Variants in ABCA7 observed in about 807,000 individuals in gnomAD.
The protein encoded by ABCA7 is phospholipid-transporting ATPase ABCA7.
In ABCA7, 261 loss-of-function variants were observed where a neutral mutation model predicts 227.6. That is an observed-to-expected ratio of 1.15 (90% confidence interval 1.04 to 1.27). The LOEUF (loss-of-function observed/expected upper bound fraction) is 1.27. Among genes scored for constraint, ABCA7 ranks in the 50% most tolerant of loss-of-function variants. The pLI, the probability that ABCA7 is intolerant of heterozygous loss-of-function variation, is 0.00. For synonymous variants in ABCA7, 1,488 were observed against 1,279.7 expected (o/e 1.16, Z -3.47); for missense variants, 3,331 against 2,924.5 (o/e 1.14, Z -3.21).
chr19:1,042,681 G>T, intron 6 of ABCA7, 65 bp from the exon 7 acceptor site: 1 of 1,517,454 alleles, frequency 6.6e-7, no homozygotes, highest in Non-Finnish European at 9.2e-7. Context: ...CTGGGAACTG[G>T]CCAGAGCGCT....
Position 1,047,258 on chromosome 19 carries a change from C to T in ABCA7, c.1947C>T (p.Phe649=). ...CCCAGAGCTTCCTGCTCAGCGCCTTCTTCTCCCGCGCCAACCTGGCTGCGG... is the reference window on the plus strand; with the variant it reads ...CCCAGAGCTTCCTGCTCAGCGCCTTTTTCTCCCGCGCCAACCTGGCTGCGG... ...TVTQSFLLSA[F]FSRANLAAAC... Residue 649 remains phenylalanine, a synonymous_variant, in exon 15 of 47, where the codon TTC becomes TTT. Transcript: ENST00000263094. 6.2e-7 allele frequency: 1 copy of T among 1,607,430 alleles called. No individual in the cohort carries two copies. Among genetic ancestry groups the T allele is most frequent in the Non-Finnish European group, 8.5e-7 (1 of 1,179,366 alleles).
chr19:1,045,152 G>T lies in ABCA7; in HGVS notation c.1366G>T (p.Asp456Tyr). The T allele has an allele frequency of 4.3e-6, 7 of 1,612,874 alleles. No individual in the cohort carries two copies. The highest frequency in any genetic ancestry group is 5.9e-6 in the Non-Finnish European group (7 of 1,179,974). Residue 456 changes from aspartate to tyrosine, a missense_variant, in exon 12 of 47, where the codon GAC becomes TAC. Transcript: ENST00000263094. ...AGACCCCACAGAGCACCCAACCCCA[G>T]ACCTGGGCCCCGGCCACGTGCGCAT... ...SSDPTEHPTP[D>Y]LGPGHVRIKI...
chr19:1,055,497 C>CTAT, intron 30 of ABCA7, 146 bp downstream of exon 30: 4 of 775,208 alleles, frequency 5.2e-6, no homozygotes, highest in Non-Finnish European at 7.4e-6. Context: ...CCTTCCTTTC[C>CTAT]TCTTTTTTTT....
chr19:1,040,644 G>A (rs1266465744), intron 1 of ABCA7, among the ~76,000 whole-genome samples: 1 of 152,160 alleles, frequency 6.6e-6, no homozygotes, highest in African/African-American at 2.4e-5. Flanking sequence ...AAATAGATCA[G>A]GAATCGCTGA....
chr19:1,062,149 G>C, intron 41 of ABCA7, 23 bp from the exon 42 acceptor site: 2 of 1,609,446 alleles, frequency 1.2e-6, no homozygotes, highest in Non-Finnish European at 1.7e-6. Context: ...AGCTCTCTGA[G>C]CCCCCGGCGC....
chr19:1,064,238 A>T lies in ABCA7; in HGVS notation c.6029A>T (p.Gln2010Leu). ...NGRFRCLGSPQHLKGRFAAGH... is the reference protein window; with the variant it reads ...NGRFRCLGSPLHLKGRFAAGH... ...CGGTTCCGCTGCCTGGGCAGCCCGCAACATCTCAAGGGCAGGTGAGCCGGC... is the reference window on the plus strand; with the variant it reads ...CGGTTCCGCTGCCTGGGCAGCCCGCTACATCTCAAGGGCAGGTGAGCCGGC... Residue 2010 changes from glutamine to leucine, a missense_variant, in exon 45 of 47, where the codon CAA becomes CTA. Coordinates refer to ENST00000263094, the MANE Select transcript of ABCA7 (RefSeq NM_019112.4). 1 of 1,565,422 alleles carries T rather than the reference A, an allele frequency of 6.4e-7. No individual in the cohort carries two copies. Among genetic ancestry groups the T allele is most frequent in the East Asian group, 2.4e-5 (1 of 41,876 alleles).
In ABCA7 at chr19:1,056,337, TCAA is replaced by T; in HGVS notation, c.4431_4433del (p.Asn1477del). 1 of 1,613,114 alleles carries T rather than the reference TCAA, an allele frequency of 6.2e-7. No homozygotes were observed. The highest frequency in any genetic ancestry group is 8.5e-7 in the Non-Finnish European group (1 of 1,179,870). ...ACCTTGACCCCCACCCAGATCTGGT[TCAA>T]CAACAAAGGCTGGCACTCCATGGTG... On this transcript the variant is annotated inframe_deletion, in exon 33 of 47. Coordinates refer to ENST00000263094, the MANE Select transcript of ABCA7 (RefSeq NM_019112.4). This position sits in a 1 kb window ranked among gnomAD's most constrained non-coding sequence, Gnocchi z 4.3.
intron 45 of ABCA7, 186 bp from the exon 46 acceptor site, chr19:1,064,742 ATGG>A (rs2042928579): frequency 1.1e-6 from 1 of 909,168 alleles, no homozygotes; most frequent in East Asian, 3.2e-5. Context: ...TTAGCTGGAC[ATGG>A]TGGTGTGTGC....
chr19:1,064,320 G>C, intron 45 of ABCA7, 67 bp downstream of exon 45: 1 of 1,455,302 alleles, frequency 6.9e-7, no homozygotes. Context: ...TCAGGGGAGA[G>C]GCCAGACGTA....
Position 1,043,734 on chromosome 19 carries a change from A to G in ABCA7, c.940A>G (p.Thr314Ala). Residue 314 changes from threonine to alanine, a missense_variant, in exon 10 of 47, where the codon ACC becomes GCC. Thr to Ala is a moderately conservative substitution (Grantham distance 58). Transcript: ENST00000263094. ...GGGGTGCTGTCCACAGGTGAACCGG[A>G]CCTTCGAGGAGCTCACCCTGCTGAG... ...TRKLMAQVNR[T>A]FEELTLLRDV... 1.2e-6 allele frequency: 2 copies of G among 1,612,586 alleles called. No homozygotes were observed. The highest frequency in any genetic ancestry group is 1.7e-6 in the Non-Finnish European group (2 of 1,179,908).
chr19:1,054,478 G>A lies in ABCA7; in HGVS notation c.3727-92G>A, dbSNP rs2042066721. 1.3e-6 allele frequency: 2 copies of A among 1,569,128 alleles called. No individual in the cohort carries two copies. Among genetic ancestry groups the A allele is most frequent in the Non-Finnish European group, 1.7e-6 (2 of 1,157,272 alleles). On this transcript the variant is annotated intron_variant, in intron 27 of 46. Coordinates refer to ENST00000263094, the MANE Select transcript of ABCA7 (RefSeq NM_019112.4). The surrounding 1 kb of genome is among the most constrained non-coding windows in gnomAD (Gnocchi z 4.8). Reference sequence around the variant, plus strand: ...AAGCACATTTATTGAGGGCACTGGGGAGCCATGGGTGGTTGTAGAGCAGGA... The same window carrying A: ...AAGCACATTTATTGAGGGCACTGGGAAGCCATGGGTGGTTGTAGAGCAGGA...
chr19:1,065,419 G>A lies in ABCA7; in HGVS notation c.6435G>A (p.Val2145=). ...FLDDPSTAET[V]L is the part of the protein sequence containing the mutation. ...ATGACCCTAGCACTGCCGAGACTGT[G>A]CTCTGAGCCTCCCTCCCCTGCGGGG... The change falls in exon 47 of 47, where the codon GTG becomes GTA. Residue 2145 remains valine (V), a synonymous_variant. Transcript: ENST00000263094. 1.2e-6 allele frequency: 2 copies of A among 1,613,236 alleles called. No homozygotes were observed. The highest frequency in any genetic ancestry group is 1.7e-6 in the Non-Finnish European group (2 of 1,179,858).
rs947370429 is a variant in ABCA7 at position 1,046,241 on chromosome 19, C to G, written c.1457C>G (p.Pro486Arg). The change falls in exon 13 of 47, where the codon CCT becomes CGT. Residue 486 changes from proline (P) to arginine (R), a missense_variant. By Grantham distance (103) the Pro-to-Arg change is moderately radical (BLOSUM62 -2). Transcript: ENST00000263094. The stretch of plus-strand genomic sequence containing the variant: ...TGCCCCTCTCGCAGGTTTTGGGACC[C>G]TGGCCCAGCCGCGGACCCCCTGACC... ...TNKIRDRFWD[P>R]GPAADPLTDL... 1.9e-6 allele frequency: 3 copies of G among 1,606,940 alleles called. No homozygotes were observed. In the African/African-American group the frequency reaches 4.0e-5, roughly 21 times the overall value.
intron 44 of ABCA7, 127 bp downstream of exon 44, chr19:1,063,990 G>T (rs1018210716): frequency 3.7e-6 from 5 of 1,361,422 alleles, no homozygotes; most frequent in Non-Finnish European, 4.9e-6. Context: ...CCAGGCCCCG[G>T]GGTGTAAGGA....
rs200418835 is a variant in ABCA7 at position 1,061,840 on chromosome 19, C to T, written c.5522C>T (p.Thr1841Met). 1.7e-4 allele frequency: 274 copies of T among 1,604,188 alleles called. 1 individual carries two copies. The South Asian group carries it at 2.4e-3, about 14-fold the overall frequency. Residue 1841 changes from threonine (T) to methionine (M), a missense_variant, in exon 41 of 47, where the codon ACG (threonine) becomes ATG (methionine). Thr to Met is a moderately conservative substitution (Grantham distance 81, BLOSUM62 -1). Coordinates refer to ENST00000263094, the MANE Select transcript of ABCA7 (RefSeq NM_019112.4). ...AAGACGTCCACGTTTCGCATGGTGACGGGGGACACATTGGCCAGCAGGGGC... is the reference window on the plus strand; with the variant it reads ...AAGACGTCCACGTTTCGCATGGTGATGGGGGACACATTGGCCAGCAGGGGC... Reference protein sequence around the residue: ...AGKTSTFRMVTGDTLASRGEA... With the variant: ...AGKTSTFRMVMGDTLASRGEA...
At position 1,058,226 on chromosome 19, in the gene ABCA7, C is replaced by G. The variant is rs765086297; in HGVS notation, c.5106C>G (p.Asp1702Glu). The G allele has an allele frequency of 8.1e-6, 13 of 1,613,692 alleles. No individual in the cohort carries two copies. Among genetic ancestry groups the G allele is most frequent in the South Asian group, 3.3e-5 (3 of 91,074 alleles). Residue 1702 changes from aspartate (D) to glutamate (E), a missense_variant, in exon 37 of 47, where the codon GAC becomes GAG. Physicochemically the swap from Asp to Glu is conservative, Grantham distance 45. Transcript: ENST00000263094. ...PHFCLGRGLI[D>E]MVRNQAMADA... ...TCTGCTTGGGCCGGGGGCTCATTGA[C>G]ATGGTGCGGAACCAGGCCATGGCTG...
In ABCA7 at chr19:1,046,831, C is replaced by G. The variant is rs1389920869; in HGVS notation, c.1652C>G (p.Pro551Arg). 6 of 1,539,852 alleles carry G rather than the reference C, an allele frequency of 3.9e-6. No homozygotes were observed. The African/African-American group carries it at 6.8e-5, about 18-fold the overall frequency. The stretch of plus-strand genomic sequence containing the variant: ...CTGCGTGTGCTGAGCCGGTCGCTGC[C>G]GCTCTTCCTGACGCTGGCCTGGATC... ...VFLRVLSRSL[P>R]LFLTLAWIYS... is the part of the protein sequence containing the mutation. The change falls in exon 14 of 47, where the codon CCG becomes CGG. Residue 551 changes from proline (P) to arginine (R), a missense_variant. Pro to Arg is a moderately radical substitution (Grantham distance 103). Transcript: ENST00000263094.
chr19:1,060,207 A>ATATATATATATATATATATTTTTT, intron 40 of ABCA7, among the ~76,000 whole-genome samples: 3 of 96,768 alleles, frequency 3.1e-5, no homozygotes, highest in African/African-American at 1.0e-4. Context: ...ATATATATAT[A>ATATATATATATATATATATTTTTT]TTTTTTTTTC....
rs980009332 is a variant in ABCA7 at position 1,044,839 on chromosome 19, C to T, written c.1215+95C>T. The T allele has an allele frequency of 4.7e-6, 7 of 1,482,586 alleles. No homozygotes were observed. In the Admixed American group the frequency reaches 8.4e-5, roughly 18 times the overall value. 91.8% of individuals were successfully genotyped at this position (1,482,586 alleles called of 1,614,324 possible). On this transcript the variant is annotated intron_variant, in intron 11 of 46. Coordinates refer to ENST00000263094, the MANE Select transcript of ABCA7 (RefSeq NM_019112.4). ...TGGTGTTCCCAGGGGGAGGCGGGCC[C>T]GGCCCTAGTAAGAGCCTGGGATTTG...
Sources: gnomAD v4.1 joint callset for allele counts (sites outside exome capture counted in the v4.1 genomes callset) on GRCh38, gnomAD v4.1.1 for gene constraint, Gnocchi (gnomAD v3.1) non-coding constraint, MANE v1.5 for transcripts, NCBI Gene and HGNC (gene_info 2026-07-23, HGNC 2026-07-21) for gene names.